The following FOXP1 variants were observed in gnomAD, a reference collection of about 807,000 sequenced individuals.
FOXP1 encodes forkhead box protein P1.
Under a neutral mutation model 98.2 loss-of-function variants are expected in FOXP1, and 15 were observed. The observed-to-expected ratio is 0.15, with a 90% confidence interval of 0.10 to 0.24. The LOEUF (loss-of-function observed/expected upper bound fraction) is 0.24, where lower values mean the gene tolerates loss of function less well. Among genes scored for constraint, FOXP1 ranks in the 10% least tolerant of loss-of-function variants. FOXP1 has a pLI of 1.00. For synonymous variants in FOXP1, 371 were observed against 314.5 expected (o/e 1.18, Z -1.90); for missense variants, 633 against 848.5 (o/e 0.75, Z 3.15).
At position 70,957,697 on chromosome 3, in the gene FOXP1, T is replaced by C. The variant is rs2032150631; in HGVS notation, c.*1550A>G. Reference sequence around the variant, plus strand: ...GTAACCATCACATTTCTGCATACCATGTTTGGGACCCCCCCAAAGCCCAGG... The same window carrying C: ...GTAACCATCACATTTCTGCATACCACGTTTGGGACCCCCCCAAAGCCCAGG... On this transcript the variant is annotated 3_prime_UTR_variant, in exon 21 of 21. Coordinates refer to ENST00000649528, the MANE Select transcript of FOXP1 (RefSeq NM_001349338.3). 5 of 233,488 alleles carry C rather than the reference T, an allele frequency of 2.1e-5. No individual in the cohort carries two copies. In the East Asian group the frequency reaches 3.0e-4, roughly 14 times the overall value. The allele number at this position is 233,488 out of a possible 1,614,324, so 14.5% of individuals were successfully genotyped here.
At chr3:71,539,970 T>A (rs147569618) in intron 2 of FOXP1, among the ~76,000 whole-genome samples, 98 of 152,336 alleles carry the variant, frequency 6.4e-4, no homozygotes, top group African/African-American at 2.2e-3. Context: ...ATAGTAGACA[T>A]CTAAATAAAC....
intron 4 of FOXP1, among the ~76,000 whole-genome samples, chr3:71,344,690 T>C (rs1404474075): frequency 1.3e-5 from 2 of 151,908 alleles, no homozygotes; most frequent in African/African-American, 4.8e-5. Flanking sequence ...TACAAAAAAA[T>C]TAGCCAGGCA....
intron 4 of FOXP1, among the ~76,000 whole-genome samples, chr3:71,300,099 A>T (rs1242275667): frequency 6.6e-6 from 1 of 152,234 alleles, no homozygotes; most frequent in Non-Finnish European, 1.5e-5. Context: ...GGGAAAAGTC[A>T]AGGTGAAACA....
At chr3:71,130,483 T>C in intron 6 of FOXP1, 1 of 1,598,176 alleles carries the variant, frequency 6.3e-7, no homozygotes, top group Non-Finnish European at 8.5e-7. Context: ...TGTTTCTTTT[T>C]CTCTGGACAC....
At chr3:71,026,984 A>T (rs2046210072) in intron 11 of FOXP1, among the ~76,000 whole-genome samples, 1 of 152,220 alleles carries the variant, frequency 6.6e-6, no homozygotes, top group Non-Finnish European at 1.5e-5. Context: ...TGTTTCTGAC[A>T]CCAGTAAGGG....
At chr3:71,008,331 A>G (rs895295487) in intron 12 of FOXP1, among the ~76,000 whole-genome samples, 1 of 152,178 alleles carries the variant, frequency 6.6e-6, no homozygotes, top group African/African-American at 2.4e-5. Context: ...CGTTTTTACT[A>G]GTGAAGATTG....
At chr3:71,085,735 C>CTTTTTTTTTTTGTTTTTTTTTTTTTTTTT in intron 7 of FOXP1, among the ~76,000 whole-genome samples, 1 of 37,038 alleles carries the variant, frequency 2.7e-5, no homozygotes, top group Non-Finnish European at 4.7e-5. Flanking sequence ...CATTTATGGC[C>CTTTTTTTTTTTGTTTTTTTTTTTTTTTTT]TTTTTTTTTT....
chr3:71,482,367 CTTTTTT>C (rs11464442), intron 3 of FOXP1, among the ~76,000 whole-genome samples: 1 of 114,152 alleles, frequency 8.8e-6, no homozygotes, highest in Admixed American at 9.9e-5. Context: ...AATACATAAC[CTTTTTT>C]TTTTTTTTTT....
intron 2 of FOXP1, among the ~76,000 whole-genome samples, chr3:71,568,653 CT>C (rs35502384): frequency 0.56 from 83,242 of 148,932 alleles, 24,232 homozygotes; most frequent in Non-Finnish European, 0.63. Context: ...AATTTTTTTT[CT>C]TTTTTTTTTT....
intron 7 of FOXP1, among the ~76,000 whole-genome samples, chr3:71,059,600 T>C (rs774479032): frequency 6.6e-6 from 1 of 152,192 alleles, no homozygotes; most frequent in Non-Finnish European, 1.5e-5. Context: ...CAACTATTAT[T>C]ATTATTTAAA....
intron 5 of FOXP1, among the ~76,000 whole-genome samples, chr3:71,270,217 C>G (rs2070202820): frequency 6.6e-6 from 1 of 152,094 alleles, no homozygotes; most frequent in Admixed American, 6.6e-5. Context: ...TTAAATGGGG[C>G]TCTTAAGAAT....
In FOXP1 at chr3:70,972,635, C is replaced by T. The variant is rs2036506865; in HGVS notation, c.1572G>A (p.Val524=). Residue 524 remains valine (V), a synonymous_variant, in exon 18 of 21, where the codon GTG becomes GTA. Coordinates refer to ENST00000649528, the MANE Select transcript of FOXP1 (RefSeq NM_001349338.3). ...CTGCCCCTTTAACGTTTTCTACTCG[C>T]ACAAAACACTTGTGAAGACTAAGAT... ...RHNLSLHKCF[V]RVENVKGAVW... 1.9e-6 allele frequency: 3 copies of T among 1,613,926 alleles called. No homozygotes were observed. The highest frequency in any genetic ancestry group is 2.2e-5 in the East Asian group (1 of 44,900).
chr3:71,124,038 T>G (rs1054276213), intron 6 of FOXP1, among the ~76,000 whole-genome samples: 2 of 152,056 alleles, frequency 1.3e-5, no homozygotes, highest in East Asian at 3.9e-4. Context: ...GCTCGGTACC[T>G]GGGTGTCGGG....
chr3:71,134,474 TAGAC>T (rs1284989923), intron 6 of FOXP1, among the ~76,000 whole-genome samples: 5 of 152,270 alleles, frequency 3.3e-5, no homozygotes, highest in Admixed American at 2.0e-4. Context: ...GGTAGGTAGA[TAGAC>T]AGATAGCTCA....
chr3:71,581,595 G>A lies in FOXP1; in HGVS notation c.-344C>T, dbSNP rs1578273892. 1.0e-6 allele frequency: 1 copy of A among 985,504 alleles called. No homozygotes were observed. Among genetic ancestry groups the A allele is most frequent in the African/African-American group, 1.7e-5 (1 of 57,240 alleles). The allele number at this position is 985,504 out of a possible 1,614,324, so 61.0% of individuals were successfully genotyped here. On this transcript the variant is annotated 5_prime_UTR_variant, in exon 2 of 21. Coordinates refer to ENST00000649528, the MANE Select transcript of FOXP1 (RefSeq NM_001349338.3). ...TAGGAGCGCCGCCTTCACGCCCGCGGAGGAGGCGCCGGCAGCACCATGGTC... is the reference window on the plus strand; with the variant it reads ...TAGGAGCGCCGCCTTCACGCCCGCGAAGGAGGCGCCGGCAGCACCATGGTC...
chr3:71,460,301 G>A (rs573564038), intron 3 of FOXP1, among the ~76,000 whole-genome samples: 9 of 152,036 alleles, frequency 5.9e-5, no homozygotes, highest in South Asian at 4.2e-4. Context: ...ATGCAGTGGC[G>A]TGATCTCAGC....
intron 3 of FOXP1, among the ~76,000 whole-genome samples, chr3:71,413,185 G>GAC (rs1476323395): frequency 1.2e-5 from 1 of 83,902 alleles, no homozygotes; most frequent in Non-Finnish European, 2.2e-5. Context: ...ATCTCAAATA[G>GAC]ACACACACAC....
intron 6 of FOXP1, among the ~76,000 whole-genome samples, chr3:71,182,910 G>A (rs1054322397): frequency 6.7e-6 from 1 of 150,288 alleles, no homozygotes; most frequent in African/African-American, 2.5e-5. Flanking sequence ...TTGACAGCAT[G>A]TTGCTTTTAG....
At chr3:71,521,400 G>A (rs936237439) in intron 2 of FOXP1, among the ~76,000 whole-genome samples, 3 of 152,102 alleles carry the variant, frequency 2.0e-5, no homozygotes, top group Non-Finnish European at 2.9e-5. Flanking sequence ...GGTGGCAAGC[G>A]CCTGTAATCT....
Sources: gnomAD v4.1 joint callset for allele counts (sites outside exome capture counted in the v4.1 genomes callset) on GRCh38, gnomAD v4.1.1 for gene constraint, MANE v1.5 for transcripts, NCBI Gene and HGNC (gene_info 2026-07-23, HGNC 2026-07-21) for gene names.